ABCF1: variants seen among roughly 807,000 people sequenced by gnomAD.
The protein encoded by ABCF1 is ATP-binding cassette sub-family F member 1.
In ABCF1, 73 loss-of-function variants were observed where a neutral mutation model predicts 126.3. The ratio of observed to expected loss-of-function variants is 0.58; its 90% CI spans 0.48 to 0.70. The LOEUF (loss-of-function observed/expected upper bound fraction) is 0.70. Among genes scored for constraint, ABCF1 ranks in the 30% least tolerant of loss-of-function variants. ABCF1 has a pLI of 0.00. For synonymous variants in ABCF1, 345 were observed against 396.4 expected, an observed-to-expected ratio of 0.87 and a Z score of 1.54; for missense variants, 786 against 1,057.5, an observed-to-expected ratio of 0.74 and a Z score of 3.56.
chr6:30,586,727 A>C lies in ABCF1; in HGVS notation c.2031+16A>C. The C allele has an allele frequency of 6.2e-7, 1 of 1,613,530 alleles. No homozygotes were observed. Among genetic ancestry groups the C allele is most frequent in the Admixed American group, 1.7e-5 (1 of 60,004 alleles). ...GCTGACACCGGTGAGTCCTGGAGCC[A>C]AGGAGGGAGAGCATGAGAAATGTGA... On this transcript the variant is annotated intron_variant, in intron 20 of 24. Transcript: ENST00000326195. The surrounding 1 kb of genome is among the most constrained non-coding windows in gnomAD (Gnocchi z 4.9).
At position 30,590,699 on chromosome 6, in the gene ABCF1, T is replaced by G; in HGVS notation, c.2536T>G (p.Ter846GlyextTer25). The change falls in exon 25 of 25, where the codon TGA becomes GGA. Residue 846 changes from the stop codon to glycine, a stop_lost. Coordinates refer to ENST00000326195, the MANE Select transcript of ABCF1 (RefSeq NM_001025091.2). The part of the protein sequence containing the change: ...GEVMVSRPRE[*>G] The stretch of plus-strand genomic sequence containing the variant: ...AGTCATGGTCAGCCGGCCCCGAGAG[T>G]GAGCTTTCCTTCCCAGAAGTCTCCC... 1 of 1,516,232 alleles carries G rather than the reference T, an allele frequency of 6.6e-7. No individual in the cohort carries two copies. Among genetic ancestry groups the G allele is most frequent in the East Asian group, 2.4e-5 (1 of 42,264 alleles). 93.9% of individuals were successfully genotyped at this position (1,516,232 alleles called of 1,614,324 possible).
At chr6:30,580,827 C>T (rs1005743536) in intron 8 of ABCF1, among the ~76,000 whole-genome samples, 1 of 151,900 alleles carries the variant, frequency 6.6e-6, no homozygotes, top group African/African-American at 2.4e-5. Context: ...GTGTGCACCA[C>T]TACCCCTGGC....
At chr6:30,588,431 G>C (rs1445391354) in intron 20 of ABCF1, among the ~76,000 whole-genome samples, 1 of 151,822 alleles carries the variant, frequency 6.6e-6, no homozygotes, top group African/African-American at 2.4e-5. Context: ...GCACAGTCTT[G>C]GCTCACTGCA....
intron 20 of ABCF1, chr6:30,589,478 C>T (rs995579651): frequency 3.3e-6 from 2 of 607,244 alleles, no homozygotes; most frequent in Admixed American, 6.0e-5. Context: ...TGGCAGGCAC[C>T]TGTATTCCCA....
rs1299743253 is a variant in ABCF1 at position 30,584,064 on chromosome 6, A to ACTC, written c.1103-128_1103-127insCTC. The ACTC allele has an allele frequency of 2.1e-6, 3 of 1,431,734 alleles. No homozygotes were observed. The highest frequency in any genetic ancestry group is 2.9e-5 in the African/African-American group (2 of 70,102). 88.7% of individuals were successfully genotyped at this position (1,431,734 alleles called of 1,614,324 possible). On this transcript the variant is annotated intron_variant, in intron 12 of 24. Transcript: ENST00000326195. This position sits in a 1 kb window ranked among gnomAD's most constrained non-coding sequence, Gnocchi z 4.6. ...GGGGAGGGTCAATGAGGAACTTGAGAGTGTTTTATTTGGAACAAGTACAAA... is the reference window on the plus strand; with the variant it reads ...GGGGAGGGTCAATGAGGAACTTGAGACTCGTGTTTTATTTGGAACAAGTACAAA...
chr6:30,587,045 AAGAGTTCC>A (rs1802179597), intron 20 of ABCF1, among the ~76,000 whole-genome samples: 1 of 152,194 alleles, frequency 6.6e-6, no homozygotes, highest in Non-Finnish European at 1.5e-5. Flanking sequence ...ACCTAAGGTC[AAGAGTTCC>A]AGACCAGCCT....
intron 6 of ABCF1, among the ~76,000 whole-genome samples, chr6:30,579,551 G>A (rs961963321): frequency 7.0e-5 from 10 of 143,430 alleles, no homozygotes; most frequent in African/African-American, 2.4e-4. Flanking sequence ...TCCGCCTCCC[G>A]GGTTCAAGTG....
chr6:30,582,464 A>G lies in ABCF1; in HGVS notation c.749A>G (p.Tyr250Cys). The G allele has an allele frequency of 6.2e-7, 1 of 1,613,028 alleles. No homozygotes were observed. Among genetic ancestry groups the G allele is most frequent in the East Asian group, 2.2e-5 (1 of 44,876 alleles). Residue 250 changes from tyrosine to cysteine, a missense_variant, in exon 9 of 25, where the codon TAT becomes TGT. Transcript: ENST00000326195. ...EGGESKADDP[Y>C]AHLSKKEKKK... ...GGAGAGTCTAAGGCAGATGATCCCT[A>G]TGCTCATCTTAGCAAAAAGGAGAAG...
In ABCF1 at chr6:30,579,927, C is replaced by G. The variant is rs1305149999; in HGVS notation, c.490-4C>G. 6.2e-7 allele frequency: 1 copy of G among 1,612,570 alleles called. No individual in the cohort carries two copies. Among genetic ancestry groups the G allele is most frequent in the Non-Finnish European group, 8.5e-7 (1 of 1,179,876 alleles). ...TGTGTAATGTGTATGTGTGTCTCCT[C>G]CAGGCCGTATCTGAGGAACAGCAGC... On this transcript the variant is annotated splice_polypyrimidine_tract_variant and splice_region_variant and intron_variant, in intron 6 of 24. Coordinates refer to ENST00000326195, the MANE Select transcript of ABCF1 (RefSeq NM_001025091.2).
At chr6:30,590,265 C>T (rs751284685) in intron 23 of ABCF1, 41 bp from the exon 24 acceptor site, 47 of 1,611,948 alleles carry the variant, frequency 2.9e-5, no homozygotes, top group South Asian at 4.4e-5. Context: ...TAATGGAAGA[C>T]GGGAGTTGCA....
chr6:30,583,949 G>A lies in ABCF1; in HGVS notation c.1102+59G>A. The A allele has an allele frequency of 6.4e-7, 1 of 1,573,612 alleles. No homozygotes were observed. Among genetic ancestry groups the A allele is most frequent in the Non-Finnish European group, 8.7e-7 (1 of 1,146,328 alleles). On this transcript the variant is annotated intron_variant, in intron 12 of 24. Coordinates refer to ENST00000326195, the MANE Select transcript of ABCF1 (RefSeq NM_001025091.2). The surrounding 1 kb of genome is among the most constrained non-coding windows in gnomAD (Gnocchi z 4.1). ...GGTGGGCAGTTGGGTAGAAAAGCCA[G>A]CCAGCCAAGAATAGAAGAAATTGTG...
chr6:30,586,755 A>C lies in ABCF1; in HGVS notation c.2031+44A>C, dbSNP rs1802157862. ...GAGGGAGAGCATGAGAAATGTGAAG[A>C]CACAGCTGCTTTTGCCAGAAGCTGG... On this transcript the variant is annotated intron_variant, in intron 20 of 24. Transcript: ENST00000326195. This position sits in a 1 kb window ranked among gnomAD's most constrained non-coding sequence, Gnocchi z 4.9. The C allele has an allele frequency of 1.2e-6, 2 of 1,603,474 alleles. No individual in the cohort carries two copies. The highest frequency in any genetic ancestry group is 2.7e-5 in the African/African-American group (2 of 74,668).
intron 20 of ABCF1, among the ~76,000 whole-genome samples, chr6:30,587,411 G>A (rs1266651580): frequency 6.6e-6 from 1 of 152,114 alleles, no homozygotes; most frequent in Non-Finnish European, 1.5e-5. Context: ...TTGGGAAGCC[G>A]AGGTGGGAGA....
chr6:30,583,707 G>A lies in ABCF1; in HGVS notation c.1015G>A (p.Gly339Ser). ...GRRYGLVGPN[G>S]KGKTTLLKHI... ...CCGCTACGGGCTGGTAGGACCCAAT[G>A]GGTGAGAAGAGGAGGGAGCTGGAGG... The change falls in exon 11 of 25, where the codon GGC (glycine) becomes AGC (serine). Residue 339 changes from glycine to serine, a missense_variant and splice_region_variant. Gly to Ser is a moderately conservative substitution (Grantham distance 56). Around this residue, in one of 4 missense-constraint regions of ABCF1, gnomAD observed 163 missense variants for 255.3 expected, o/e 0.64. Coordinates refer to ENST00000326195, the MANE Select transcript of ABCF1 (RefSeq NM_001025091.2). This position sits in a 1 kb window ranked among gnomAD's most constrained non-coding sequence, Gnocchi z 4.1. The A allele has an allele frequency of 6.2e-7, 1 of 1,614,074 alleles. No individual in the cohort carries two copies. The highest frequency in any genetic ancestry group is 8.5e-7 in the Non-Finnish European group (1 of 1,179,972).
At chr6:30,587,151 G>T (rs1396412119) in intron 20 of ABCF1, among the ~76,000 whole-genome samples, 2 of 152,016 alleles carry the variant, frequency 1.3e-5, no homozygotes, top group Non-Finnish European at 2.9e-5. Flanking sequence ...TACTCAGGAG[G>T]CTGAGGCAGA....
chr6:30,585,448 G>C, intron 15 of ABCF1, 105 bp downstream of exon 15: 1 of 1,580,542 alleles, frequency 6.3e-7, no homozygotes, highest in South Asian at 1.1e-5. Flanking sequence ...TGTGAGTGGA[G>C]CTCTATTCAG....
intron 20 of ABCF1, 185 bp from the exon 21 acceptor site, chr6:30,589,503 T>G (rs1277215475): frequency 3.0e-6 from 2 of 656,374 alleles, no homozygotes; most frequent in Admixed American, 5.9e-5. Context: ...CTGGGGAGGC[T>G]GAGGCAGGAG....
intron 23 of ABCF1, 45 bp from the exon 24 acceptor site, chr6:30,590,261 A>G: frequency 1.2e-6 from 2 of 1,612,402 alleles, no homozygotes; most frequent in Non-Finnish European, 1.7e-6. Flanking sequence ...ACAGTAATGG[A>G]AGACGGGAGT....
intron 7 of ABCF1, 143 bp from the exon 8 acceptor site, chr6:30,580,263 C>T (rs928077803): frequency 1.9e-5 from 13 of 701,620 alleles, no homozygotes; most frequent in Non-Finnish European, 2.7e-5. Context: ...AGGAGAATGG[C>T]GTGAACCCGG....
Sources: gnomAD v4.1 joint callset for allele counts (sites outside exome capture counted in the v4.1 genomes callset) on GRCh38, gnomAD v4.1.1 for gene constraint, gnomAD v4.1.1 regional missense constraint, Gnocchi (gnomAD v3.1) non-coding constraint, MANE v1.5 for transcripts, NCBI Gene and HGNC (gene_info 2026-07-23, HGNC 2026-07-21) for gene names.